The following MICU1 variants were observed in gnomAD, a reference collection of about 807,000 sequenced individuals.
MICU1 encodes mitochondrial calcium uptake 1, also known as calcium uptake protein 1, mitochondrial.
In MICU1, 45 loss-of-function variants were observed where a neutral mutation model predicts 56.8. That is an observed-to-expected ratio of 0.79 (90% CI 0.62 to 1.02). MICU1 has a LOEUF of 1.02. Ranked by LOEUF, MICU1 falls within the 50% of genes least tolerant of loss-of-function variation. The probability of loss-of-function intolerance (pLI) is 0.00; values close to 1 mark genes in which losing one functional copy is unlikely to be tolerated. For missense variants in MICU1, 504 were observed against 587.1 expected (o/e 0.86, Z 1.46); for synonymous variants, 186 against 195.1 (o/e 0.95, Z 0.39).
chr10:72,597,323 T>A (rs150908176), intron 1 of MICU1, among the ~76,000 whole-genome samples: 9 of 152,286 alleles, frequency 5.9e-5, no homozygotes, highest in African/African-American at 2.2e-4. Context: ...TCTGTTTCAG[T>A]ATATGTCATC....
intron 8 of MICU1, among the ~76,000 whole-genome samples, chr10:72,469,554 AC>A (rs1325418095): frequency 1.3e-5 from 2 of 152,246 alleles, no homozygotes; most frequent in African/African-American, 4.8e-5. Flanking sequence ...TTATCAGAAA[AC>A]TATTTCAAAA....
intron 1 of MICU1, among the ~76,000 whole-genome samples, chr10:72,590,873 C>CGTG (rs1841207248): frequency 7.0e-6 from 1 of 142,616 alleles, no homozygotes; most frequent in African/African-American, 2.6e-5. Context: ...AGAAGACAAA[C>CGTG]AACACAAGTA....
chr10:72,433,427 G>T (rs1390652195), intron 8 of MICU1, among the ~76,000 whole-genome samples: 81 of 137,810 alleles, frequency 5.9e-4, no homozygotes, highest in African/African-American at 2.3e-3. Context: ...TTGTATTTTT[G>T]TATTTTTTTT....
intron 6 of MICU1, among the ~76,000 whole-genome samples, chr10:72,479,314 C>T (rs1763620819): frequency 6.6e-6 from 1 of 152,190 alleles, no homozygotes; most frequent in African/African-American, 2.4e-5. Context: ...TAAACACACA[C>T]TCTTCATGCT....
At chr10:72,617,015 C>G (rs1040024173) in intron 1 of MICU1, among the ~76,000 whole-genome samples, 1 of 152,226 alleles carries the variant, frequency 6.6e-6, no homozygotes, top group East Asian at 1.9e-4. Flanking sequence ...AGGGATTACT[C>G]TCCTTTGCTG....
At chr10:72,443,325 G>T (rs1333519153) in intron 8 of MICU1, among the ~76,000 whole-genome samples, 1 of 152,132 alleles carries the variant, frequency 6.6e-6, no homozygotes, top group Non-Finnish European at 1.5e-5. Context: ...TGGGTTGCCT[G>T]TTCACTCTGA....
chr10:72,420,498 GACTAAT>G (rs1362334477), intron 9 of MICU1, among the ~76,000 whole-genome samples: 2 of 152,256 alleles, frequency 1.3e-5, no homozygotes, highest in African/African-American at 2.4e-5. Context: ...CATGAGAATG[GACTAAT>G]ACACTTGGAA....
At chr10:72,413,982 G>C (rs1227916347) in intron 9 of MICU1, among the ~76,000 whole-genome samples, 2 of 152,176 alleles carry the variant, frequency 1.3e-5, no homozygotes, top group Non-Finnish European at 2.9e-5. Context: ...GACAATAACA[G>C]GTGTTGATGA....
chr10:72,378,361 T>G (rs2132041754), intron 10 of MICU1, among the ~76,000 whole-genome samples: 1 of 152,272 alleles, frequency 6.6e-6, no homozygotes, highest in South Asian at 2.1e-4. Context: ...GGGGGCAGAT[T>G]TCCCCCTTGC....
intron 1 of MICU1, among the ~76,000 whole-genome samples, chr10:72,611,302 A>T (rs962978281): frequency 8.4e-6 from 1 of 119,170 alleles, no homozygotes; most frequent in Non-Finnish European, 1.7e-5. Flanking sequence ...GACTCCCTTT[A>T]AAAAAAAAAA....
At chr10:72,564,555 A>C (rs1188481757) in intron 2 of MICU1, among the ~76,000 whole-genome samples, 1 of 150,662 alleles carries the variant, frequency 6.6e-6, no homozygotes, top group Non-Finnish European at 1.5e-5. Flanking sequence ...AAAAAAAAAA[A>C]AAAAAAAAGA....
Position 72,617,062 on chromosome 10 carries a change from C to T in MICU1, c.-2+8948G>A, listed in dbSNP as rs934591760. Among the ~76,000 whole-genome samples the T allele has an allele frequency of 1.2e-4, 19 of 152,334 alleles. No individual in the cohort carries two copies. The East Asian group carries it at 3.3e-3, about 26-fold the overall frequency. On this transcript the variant is annotated intron_variant, in intron 1 of 11. Transcript: ENST00000361114. ...AAATCTAGACAACCACTGTTTTACACATTTTTGTCTGCTTTTTTAGCTGTT... is the reference window on the plus strand; with the variant it reads ...AAATCTAGACAACCACTGTTTTACATATTTTTGTCTGCTTTTTTAGCTGTT...
chr10:72,440,835 C>T (rs1367401050), intron 8 of MICU1, among the ~76,000 whole-genome samples: 1 of 152,180 alleles, frequency 6.6e-6, no homozygotes, highest in Non-Finnish European at 1.5e-5. Context: ...AAATGCAAAT[C>T]AAAACCACAA....
intron 1 of MICU1, among the ~76,000 whole-genome samples, chr10:72,569,789 G>A (rs1840562172): frequency 6.6e-6 from 1 of 152,110 alleles, no homozygotes; most frequent in South Asian, 2.1e-4. Flanking sequence ...TCAGGGCTCA[G>A]TATAGTACCT....
At chr10:72,509,429 CAAAGG>C in intron 5 of MICU1, 1 of 1,322,858 alleles carries the variant, frequency 7.6e-7, no homozygotes, top group Non-Finnish European at 9.9e-7. Context: ...TCATAAACCA[CAAAGG>C]AAAGAAAACT....
intron 1 of MICU1, among the ~76,000 whole-genome samples, chr10:72,604,271 C>CTTTTT (rs869141348): frequency 7.8e-6 from 1 of 128,730 alleles, no homozygotes; most frequent in Non-Finnish European, 1.6e-5. Flanking sequence ...CTTTCCTGCC[C>CTTTTT]TTTTTTTTTT....
chr10:72,478,153 G>A (rs545351125), intron 6 of MICU1, among the ~76,000 whole-genome samples: 23 of 152,244 alleles, frequency 1.5e-4, no homozygotes, highest in South Asian at 4.1e-4. Flanking sequence ...ACAGGTGTGA[G>A]CCACGGCGTC....
At chr10:72,544,979 A>C (rs1839862732) in intron 4 of MICU1, among the ~76,000 whole-genome samples, 2 of 152,228 alleles carry the variant, frequency 1.3e-5, no homozygotes, top group South Asian at 2.1e-4. Context: ...TCACAAATTT[A>C]GATCTGTTGG....
At chr10:72,612,174 AAAGAAAT>A (rs545871686) in intron 1 of MICU1, among the ~76,000 whole-genome samples, 114 of 152,290 alleles carry the variant, frequency 7.5e-4, no homozygotes, top group South Asian at 1.9e-3. Flanking sequence ...AAACAGGCTT[AAAGAAAT>A]AAATAAAATC....
Sources: allele counts gnomAD v4.1 joint callset (sites outside exome capture counted in the v4.1 genomes callset), GRCh38; gene constraint gnomAD v4.1.1; transcripts MANE v1.5; gene names NCBI Gene and HGNC (gene_info 2026-07-23, HGNC 2026-07-21).